The following RERE variants were observed in gnomAD, a reference collection of about 807,000 sequenced individuals.
RERE encodes arginine-glutamic acid dipeptide repeats protein.
Under a neutral mutation model 146.1 loss-of-function variants are expected in RERE, and 40 were observed. The observed-to-expected ratio is 0.27, with a 90% CI of 0.21 to 0.36. RERE has a LOEUF of 0.36. Ranked by LOEUF, RERE falls within the 10% of genes least tolerant of loss-of-function variation. The probability of loss-of-function intolerance (pLI) is 1.00; values close to 1 mark genes in which losing one functional copy is unlikely to be tolerated. For missense variants in RERE, 1,933 were observed against 2,138.7 expected (o/e 0.90, Z 1.90); for synonymous variants, 1,003 against 866.0 (o/e 1.16, Z -2.78).
At chr1:8,679,957 T>C (rs1638926726) in intron 1 of RERE, among the ~76,000 whole-genome samples, 1 of 152,214 alleles carries the variant, frequency 6.6e-6, no homozygotes, top group Non-Finnish European at 1.5e-5. Flanking sequence ...AGGGATGTTT[T>C]ATAAAATTCT....
intron 1 of RERE, among the ~76,000 whole-genome samples, chr1:8,717,689 T>C (rs144564138): frequency 1.7e-3 from 263 of 152,340 alleles, no homozygotes; most frequent in African/African-American, 6.1e-3. Context: ...TGACCACCAA[T>C]AGCTATCAGG....
intron 1 of RERE, among the ~76,000 whole-genome samples, chr1:8,749,465 G>A (rs1213226368): frequency 1.3e-5 from 2 of 151,452 alleles, no homozygotes; most frequent in Non-Finnish European, 2.9e-5. Context: ...AGAGTAATGC[G>A]CTACTTTAGA....
Position 8,800,015 on chromosome 1 carries a change from T to C in RERE, c.-145+17145A>G, listed in dbSNP as rs184614322. On this transcript the variant is annotated intron_variant, in intron 1 of 22. Transcript: ENST00000400908. ...TTTTAGTAAAGATGAGGTTTCACCATGTTGGCCAGACTGGTCTCGAACTCC... is the reference window on the plus strand; with the variant it reads ...TTTTAGTAAAGATGAGGTTTCACCACGTTGGCCAGACTGGTCTCGAACTCC... Among the ~76,000 whole-genome samples the C allele has an allele frequency of 1.1e-4, 17 of 152,270 alleles. No individual in the cohort carries two copies. The East Asian group carries it at 3.3e-3, about 29-fold the overall frequency.
chr1:8,403,586 A>G (rs1643338768), intron 12 of RERE, among the ~76,000 whole-genome samples: 2 of 150,634 alleles, frequency 1.3e-5, no homozygotes, highest in South Asian at 4.2e-4. Flanking sequence ...GGCTAGTCTC[A>G]AACTCCTGAC....
chr1:8,765,495 G>A (rs1024045905), intron 1 of RERE, among the ~76,000 whole-genome samples: 9 of 152,178 alleles, frequency 5.9e-5, no homozygotes, highest in African/African-American at 2.2e-4. Flanking sequence ...TATATGATAT[G>A]TGAATTGTAT....
chr1:8,643,484 A>G (rs902960874), intron 2 of RERE, among the ~76,000 whole-genome samples: 3 of 152,240 alleles, frequency 2.0e-5, no homozygotes, highest in Non-Finnish European at 4.4e-5. Context: ...ACTAAAAATG[A>G]AAGGACTTAC....
intron 1 of RERE, among the ~76,000 whole-genome samples, chr1:8,744,784 C>T (rs1035643691): frequency 6.6e-6 from 1 of 152,122 alleles, no homozygotes; most frequent in Non-Finnish European, 1.5e-5. Flanking sequence ...GTTCCCCATA[C>T]AAAAAGACTT....
chr1:8,559,003 C>T (rs1017723579), intron 4 of RERE, among the ~76,000 whole-genome samples: 2 of 151,206 alleles, frequency 1.3e-5, no homozygotes, highest in African/African-American at 4.9e-5. Context: ...ACAATGTTGG[C>T]CAGACTGGTC....
chr1:8,378,444 C>T (rs955787788), intron 12 of RERE, among the ~76,000 whole-genome samples: 2 of 152,276 alleles, frequency 1.3e-5, no homozygotes, highest in East Asian at 1.9e-4. Context: ...AGCTCTAACC[C>T]CCAGGGCCTC....
intron 12 of RERE, among the ~76,000 whole-genome samples, chr1:8,418,753 T>C (rs1168841134): frequency 6.6e-6 from 1 of 152,244 alleles, no homozygotes; most frequent in African/African-American, 2.4e-5. Context: ...CATCCACGAT[T>C]TTGTGTTATT....
chr1:8,636,949 C>G (rs1396879699), intron 2 of RERE, among the ~76,000 whole-genome samples: 1 of 152,102 alleles, frequency 6.6e-6, no homozygotes, highest in Non-Finnish European at 1.5e-5. Flanking sequence ...GGCCACTTTA[C>G]TCAAATATTT....
intron 8 of RERE, among the ~76,000 whole-genome samples, chr1:8,502,313 A>G (rs1463282031): frequency 1.3e-4 from 14 of 111,718 alleles, no homozygotes; most frequent in Admixed American, 1.6e-4. Context: ...CTGCCTGGCG[A>G]GCCGCCCCGT....
chr1:8,446,343 G>A (rs928241395), intron 11 of RERE, among the ~76,000 whole-genome samples: 8 of 150,808 alleles, frequency 5.3e-5, no homozygotes, highest in Non-Finnish European at 8.9e-5. Context: ...CGTGTCTTGG[G>A]GTTACTCTTC....
rs368219880 is a variant in RERE at position 8,400,222 on chromosome 1, A to ATATG, written c.1284+22504_1284+22505insCATA. Among the ~76,000 whole-genome samples the ATATG allele has an allele frequency of 8.0e-3, 1,120 of 140,132 alleles. 10 individuals are homozygous for ATATG. The highest frequency in any genetic ancestry group is 0.02 in the South Asian group (83 of 4,138). 91.9% of individuals were successfully genotyped at this position (140,132 alleles called of 152,430 possible). A position where few individuals can be genotyped will look rare whatever the true frequency, so the allele number is the denominator to read the frequency against. On this transcript the variant is annotated intron_variant, in intron 12 of 22. Coordinates refer to ENST00000400908, the MANE Select transcript of RERE (RefSeq NM_001042681.2). ...CTCTTCCTTTCCATTCCTGTGTCATATGTGTGTGTGTGTGTGTGTGTGTGT... is the reference window on the plus strand; with the variant it reads ...CTCTTCCTTTCCATTCCTGTGTCATATATGTGTGTGTGTGTGTGTGTGTGTGTGT...
chr1:8,377,781 A>C (rs1642309201), intron 12 of RERE, among the ~76,000 whole-genome samples: 1 of 152,170 alleles, frequency 6.6e-6, no homozygotes, highest in East Asian at 1.9e-4. Context: ...GAGCGGGACG[A>C]ACGATGAAGG....
At chr1:8,502,899 T>A (rs1267303726) in intron 8 of RERE, among the ~76,000 whole-genome samples, 1 of 150,960 alleles carries the variant, frequency 6.6e-6, no homozygotes, top group Non-Finnish European at 1.5e-5. Flanking sequence ...GCGTGCTCGT[T>A]AAGAGTCATC....
chr1:8,653,435 C>T (rs914529833), intron 2 of RERE, among the ~76,000 whole-genome samples: 16 of 152,076 alleles, frequency 1.1e-4, no homozygotes, highest in African/African-American at 3.6e-4. Context: ...TGGCCAGGCG[C>T]GATGGCTCAC....
Position 8,358,396 on chromosome 1 carries a change from G to A in RERE, c.4139C>T (p.Ala1380Val), listed in dbSNP as rs759615615. Residue 1380 changes from alanine (A) to valine (V), a missense_variant, in exon 20 of 23, where the codon GCC (alanine) becomes GTC (valine). Physicochemically the swap from Ala to Val is moderately conservative, Grantham distance 64. This residue lies in a region of RERE where 1,255 missense variants were observed against 1,153.8 expected (regional missense o/e 1.09). Transcript: ENST00000400908. ...GGGCCGCAGCTGGGGGCCCGCCAGG[G>A]CCAGTCTCTCCCTCTCCAAGGGGTT... ...GLNPLERERL[A>V]LAGPQLRPEM... 2.5e-6 allele frequency: 4 copies of A among 1,607,390 alleles called. No individual in the cohort carries two copies. In the South Asian group the frequency reaches 3.3e-5, roughly 13 times the overall value.
intron 7 of RERE, among the ~76,000 whole-genome samples, chr1:8,537,776 A>G (rs1645746235): frequency 1.3e-5 from 2 of 152,238 alleles, no homozygotes. Flanking sequence ...ACACATTATT[A>G]GTTCAATAAG....
Sources: gnomAD v4.1 joint callset for allele counts (sites outside exome capture counted in the v4.1 genomes callset) on GRCh38, gnomAD v4.1.1 for gene constraint, gnomAD v4.1.1 regional missense constraint, MANE v1.5 for transcripts, NCBI Gene and HGNC (gene_info 2026-07-23, HGNC 2026-07-21) for gene names.